Variants in THADA observed in about 807,000 individuals in gnomAD.
THADA encodes tRNA (32-2'-O)-methyltransferase regulator THADA.
THADA carries 213 observed loss-of-function variants against 219.8 expected under a neutral mutation model. The observed-to-expected ratio is 0.97, with a 90% confidence interval of 0.87 to 1.09. THADA has a LOEUF of 1.09. Among genes scored for constraint, THADA ranks in the 50% least tolerant of loss-of-function variants. The pLI, the probability that THADA is intolerant of heterozygous loss-of-function variation, is 0.00. For synonymous variants in THADA, 1,018 were observed against 828.9 expected, an observed-to-expected ratio of 1.23 and a Z score of -3.92; for missense variants, 2,956 against 2,311.3, an observed-to-expected ratio of 1.28 and a Z score of -5.72.
intron 20 of THADA, among the ~76,000 whole-genome samples, chr2:43,543,649 G>C (rs1695617416): frequency 6.6e-6 from 1 of 152,280 alleles, no homozygotes; most frequent in East Asian, 1.9e-4. Flanking sequence ...TTTTTCATGT[G>C]TTTTCTGGCT....
intron 34 of THADA, among the ~76,000 whole-genome samples, chr2:43,288,724 T>G (rs1674343081): frequency 6.6e-6 from 1 of 152,226 alleles, no homozygotes; most frequent in South Asian, 2.1e-4. Context: ...GCATGATTGA[T>G]TTAAATCATT....
At chr2:43,532,130 G>A (rs1693954926) in intron 21 of THADA, among the ~76,000 whole-genome samples, 1 of 151,940 alleles carries the variant, frequency 6.6e-6, no homozygotes, top group Admixed American at 6.6e-5. Flanking sequence ...ATATGAAAGA[G>A]GCCAGGCACG....
At chr2:43,371,586 A>C (rs1028689804) in intron 29 of THADA, among the ~76,000 whole-genome samples, 1 of 152,252 alleles carries the variant, frequency 6.6e-6, no homozygotes, top group South Asian at 2.1e-4. Context: ...GAAAAAAAAC[A>C]AAACATGCAT....
At chr2:43,244,901 A>G (rs534544947) in intron 36 of THADA, among the ~76,000 whole-genome samples, 1 of 152,144 alleles carries the variant, frequency 6.6e-6, no homozygotes, top group African/African-American at 2.4e-5. Context: ...CCTCCTGGAC[A>G]TGGCAGCACC....
At chr2:43,575,065 G>GA in intron 10 of THADA, 38 bp from the exon 11 acceptor site, 2 of 1,394,702 alleles carry the variant, frequency 1.4e-6, no homozygotes, top group Non-Finnish European at 1.9e-6. Flanking sequence ...ATTGTAAACT[G>GA]ATTAGTAAAA....
At chr2:43,480,170 G>A (rs1686017401) in intron 26 of THADA, among the ~76,000 whole-genome samples, 1 of 152,242 alleles carries the variant, frequency 6.6e-6, no homozygotes, top group Non-Finnish European at 1.5e-5. Context: ...CCACAGGCAA[G>A]TAGCTAAACC....
Position 43,556,881 on chromosome 2 carries a change from C to T in THADA, c.2464-326G>A, listed in dbSNP as rs966037861. On this transcript the variant is annotated intron_variant, in intron 16 of 37. Transcript: ENST00000405975. ...GGAGTCTTGAGACCAGCCTGGGCAA[C>T]ACGGTGAGACAAAAAACTTACTCTA... 1.2e-4 allele frequency among the ~76,000 whole-genome samples: 19 copies of T among 152,212 alleles called. 1 individual carries two copies. The highest frequency in any genetic ancestry group is 1.2e-3 in the South Asian group (6 of 4,826).
intron 26 of THADA, among the ~76,000 whole-genome samples, chr2:43,462,221 C>A (rs1190428098): frequency 6.6e-6 from 1 of 152,128 alleles, no homozygotes; most frequent in African/African-American, 2.4e-5. Context: ...TAATAAAACA[C>A]CTGCTTTCCA....
intron 20 of THADA, 76 bp downstream of exon 20, chr2:43,549,134 C>A (rs971638736): frequency 1.7e-5 from 21 of 1,244,134 alleles, no homozygotes; most frequent in Non-Finnish European, 2.0e-5. Flanking sequence ...CTCTAATTTA[C>A]CATATAAAAA....
intron 26 of THADA, among the ~76,000 whole-genome samples, chr2:43,433,104 G>A (rs1253974441): frequency 6.6e-6 from 1 of 151,994 alleles, no homozygotes; most frequent in Non-Finnish European, 1.5e-5. Context: ...TTACATTGAG[G>A]TCTATGATCC....
At chr2:43,578,082 A>G (rs865916166) in intron 9 of THADA, among the ~76,000 whole-genome samples, 18 of 152,158 alleles carry the variant, frequency 1.2e-4, no homozygotes, top group Middle Eastern at 3.4e-3. Flanking sequence ...TTATAACAGA[A>G]AAAGGTCATC....
At chr2:43,508,337 CAT>C (rs961218520) in intron 23 of THADA, among the ~76,000 whole-genome samples, 7 of 152,138 alleles carry the variant, frequency 4.6e-5, no homozygotes, top group South Asian at 2.1e-4. Context: ...GGTGGGGTAA[CAT>C]GTGCACTTCC....
intron 28 of THADA, among the ~76,000 whole-genome samples, chr2:43,415,283 T>C (rs1676796848): frequency 6.6e-6 from 1 of 152,128 alleles, no homozygotes; most frequent in Non-Finnish European, 1.5e-5. Flanking sequence ...GAAAATTAAG[T>C]GGGTAGAGGG....
In THADA at chr2:43,580,149, C is replaced by G. The variant is rs139701799; in HGVS notation, c.722-1542G>C. 8.2e-3 allele frequency among the ~76,000 whole-genome samples: 1,235 copies of G among 151,332 alleles called. 4 individuals are homozygous for G. Among genetic ancestry groups the G allele is most frequent in the South Asian group, 0.021 (99 of 4,768 alleles). On this transcript the variant is annotated intron_variant, in intron 8 of 37. Transcript: ENST00000405975. ...AACTGATTCCCCTGCCTCAGCCTCC[C>G]GAGTAGCTGGAACTACAGGTGCACG...
chr2:43,305,015 A>G (rs960391107), intron 31 of THADA, among the ~76,000 whole-genome samples: 1 of 152,126 alleles, frequency 6.6e-6, no homozygotes, highest in African/African-American at 2.4e-5. Context: ...TGCTTTTTCT[A>G]TTTTAAAGAA....
chr2:43,586,361 T>G, intron 7 of THADA, 40 bp downstream of exon 7: 1 of 1,499,698 alleles, frequency 6.7e-7, no homozygotes, highest in Non-Finnish European at 9.0e-7. Flanking sequence ...AATGTACAAC[T>G]GCAAGTGTGC....
At chr2:43,344,920 G>A (rs957155069) in intron 29 of THADA, among the ~76,000 whole-genome samples, 25 of 152,216 alleles carry the variant, frequency 1.6e-4, no homozygotes, top group African/African-American at 5.3e-4. Context: ...CCTCTGTGAG[G>A]AGTACAAATC....
intron 35 of THADA, among the ~76,000 whole-genome samples, chr2:43,285,613 G>C (rs1255683952): frequency 6.6e-6 from 1 of 151,476 alleles, no homozygotes; most frequent in African/African-American, 2.4e-5. Context: ...GCCCAGACTG[G>C]AGTGCAATGG....
intron 29 of THADA, among the ~76,000 whole-genome samples, chr2:43,350,314 T>G (rs1668109330): frequency 6.6e-6 from 1 of 152,114 alleles, no homozygotes; most frequent in Non-Finnish European, 1.5e-5. Context: ...ACAAGCCCAA[T>G]CACATCACTG....
Sources: gnomAD v4.1 joint callset for allele counts (sites outside exome capture counted in the v4.1 genomes callset) on GRCh38, gnomAD v4.1.1 for gene constraint, MANE v1.5 for transcripts, NCBI Gene and HGNC (gene_info 2026-07-23, HGNC 2026-07-21) for gene names.